SCN8A: variants seen among roughly 807,000 people sequenced by gnomAD.
The protein encoded by SCN8A is sodium voltage-gated channel alpha subunit 8.
A neutral mutation model predicts 184.1 loss-of-function variants in SCN8A; 30 were observed. The ratio of observed to expected loss-of-function variants is 0.16; its 90% CI spans 0.12 to 0.22. SCN8A has a LOEUF of 0.22. Among genes scored for constraint, SCN8A ranks in the 10% least tolerant of loss-of-function variants. SCN8A has a pLI of 1.00. For synonymous variants in SCN8A, 852 were observed against 907.0 expected (o/e 0.94, Z 1.09); for missense variants, 1,057 against 2,498.9 (o/e 0.42, Z 12.30).
chr12:51,753,097 A>G (rs1942620779), intron 14 of SCN8A, among the ~76,000 whole-genome samples: 1 of 152,180 alleles, frequency 6.6e-6, no homozygotes. Context: ...GATGACATCT[A>G]AATTAGAATT....
At chr12:51,699,824 A>G (rs1419783501) in intron 7 of SCN8A, 33 bp downstream of exon 7, 3 of 1,546,286 alleles carry the variant, frequency 1.9e-6, no homozygotes, top group East Asian at 2.3e-5. Context: ...GAGGAATAGG[A>G]AAAGTCTATT....
chr12:51,608,215 G>A (rs575393418), intron 1 of SCN8A, among the ~76,000 whole-genome samples: 2 of 151,784 alleles, frequency 1.3e-5, no homozygotes, highest in African/African-American at 4.8e-5. Context: ...GTAGAGACGG[G>A]GTTTCACCAT....
rs551294901 is a variant in SCN8A at position 51,725,221 on chromosome 12, T to G, written c.1998+3313T>G. Reference sequence around the variant, plus strand: ...CCATAAAGAAACTGTTATGGCTAGTTGTTAACGGTGTGGGAAAATGTCTAA... The same window carrying G: ...CCATAAAGAAACTGTTATGGCTAGTGGTTAACGGTGTGGGAAAATGTCTAA... On this transcript the variant is annotated intron_variant, in intron 12 of 26. Coordinates refer to ENST00000627620, the MANE Select transcript of SCN8A (RefSeq NM_001330260.2). 5.9e-4 allele frequency among the ~76,000 whole-genome samples: 90 copies of G among 152,332 alleles called. 2 individuals carry two copies. Among genetic ancestry groups the G allele is most frequent in the Non-Finnish European group, 8.5e-4 (58 of 68,026 alleles).
At chr12:51,789,154 G>A (rs1938172532) in intron 23 of SCN8A, 127 bp from the exon 24 acceptor site, 1 of 976,762 alleles carries the variant, frequency 1.0e-6, no homozygotes, top group Non-Finnish European at 1.5e-6. Flanking sequence ...CAGGCAGAAA[G>A]AATCTAGGGC....
chr12:51,644,730 T>C (rs2138638344), intron 1 of SCN8A, among the ~76,000 whole-genome samples: 1 of 145,166 alleles, frequency 6.9e-6, no homozygotes, highest in South Asian at 2.3e-4. Flanking sequence ...TCTGCCTGGC[T>C]GCCCAGTCTG....
intron 6 of SCN8A, among the ~76,000 whole-genome samples, chr12:51,697,033 C>A (rs1294820302): frequency 2.5e-5 from 2 of 80,664 alleles, no homozygotes; most frequent in African/African-American, 5.1e-5. Context: ...AGCGAGAATC[C>A]GACTCAAAAA....
chr12:51,602,634 C>G (rs769806839), intron 1 of SCN8A, among the ~76,000 whole-genome samples: 3 of 152,060 alleles, frequency 2.0e-5, no homozygotes, highest in African/African-American at 7.2e-5. Context: ...ATCAATCAAT[C>G]AATCAATCAA....
At chr12:51,605,088 C>T (rs1939558780) in intron 1 of SCN8A, among the ~76,000 whole-genome samples, 1 of 150,964 alleles carries the variant, frequency 6.6e-6, no homozygotes, top group Admixed American at 6.6e-5. Flanking sequence ...TTTTCATGTT[C>T]CTAATTTAGC....
intron 21 of SCN8A, 65 bp from the exon 22 acceptor site, chr12:51,786,477 G>T: frequency 6.4e-7 from 1 of 1,561,052 alleles, no homozygotes; most frequent in Non-Finnish European, 8.8e-7. Flanking sequence ...TCCCCTCCTG[G>T]AAATCAAAAA....
chr12:51,788,457 G>A (rs945428155), intron 22 of SCN8A: 4 of 321,640 alleles, frequency 1.2e-5, no homozygotes, highest in Non-Finnish European at 1.7e-5. Context: ...CTTTCGTAAA[G>A]CCTTAATCCC....
chr12:51,648,975 G>T (rs1479460475), intron 1 of SCN8A, among the ~76,000 whole-genome samples: 1 of 152,142 alleles, frequency 6.6e-6, no homozygotes, highest in African/African-American at 2.4e-5. Flanking sequence ...AAAATCAAAA[G>T]CAAGCTAGTT....
At chr12:51,740,264 C>T (rs1942399446) in intron 12 of SCN8A, among the ~76,000 whole-genome samples, 1 of 152,244 alleles carries the variant, frequency 6.6e-6, no homozygotes, top group South Asian at 2.1e-4. Flanking sequence ...GGGGGGCTTG[C>T]TCCCAACAAG....
intron 2 of SCN8A, among the ~76,000 whole-genome samples, chr12:51,666,301 C>T (rs1233556887): frequency 6.6e-6 from 1 of 152,192 alleles, no homozygotes; most frequent in African/African-American, 2.4e-5. Flanking sequence ...ACAGGAATTT[C>T]ATCTTCCACT....
chr12:51,660,514 C>T (rs1940905969), intron 1 of SCN8A, among the ~76,000 whole-genome samples: 1 of 152,188 alleles, frequency 6.6e-6, no homozygotes, highest in South Asian at 2.1e-4. Flanking sequence ...TAATCTTATT[C>T]ACTGTGAAAG....
At chr12:51,681,776 G>C (rs1414945975) in intron 2 of SCN8A, among the ~76,000 whole-genome samples, 2 of 152,188 alleles carry the variant, frequency 1.3e-5, no homozygotes, top group African/African-American at 4.8e-5. Context: ...AGAATGACGT[G>C]ACTCTGGTAG....
chr12:51,652,234 T>C (rs374186293), intron 1 of SCN8A, among the ~76,000 whole-genome samples: 35 of 152,254 alleles, frequency 2.3e-4, no homozygotes, highest in African/African-American at 8.2e-4. Flanking sequence ...GTGTCTTCCT[T>C]GATTTTTCTT....
rs188768708 is a variant in SCN8A, at chr12:51,595,739, A to T, written c.-55+4380A>T. On this transcript the variant is annotated intron_variant, in intron 1 of 26. Coordinates refer to ENST00000627620, the MANE Select transcript of SCN8A (RefSeq NM_001330260.2). ...TATATTAGCCCCCTTGCCTCTAGGG[A>T]TTTAGCAGCTTAATGTGTATTTATG... is the stretch of plus-strand genomic sequence containing the variant. Among the ~76,000 whole-genome samples, 5 of 152,262 alleles carry T rather than the reference A, an allele frequency of 3.3e-5. No homozygotes were observed. In the East Asian group the frequency reaches 9.6e-4, roughly 29 times the overall value.
intron 21 of SCN8A, among the ~76,000 whole-genome samples, chr12:51,784,201 C>T (rs1013968726): frequency 2.0e-5 from 3 of 152,204 alleles, no homozygotes; most frequent in Non-Finnish European, 4.4e-5. Flanking sequence ...ATAGTTTCTG[C>T]TTAACATATT....
At position 51,662,238 on chromosome 12, in the gene SCN8A, G is replaced by A. The variant is rs569329145; in HGVS notation, c.-54-526G>A. The stretch of plus-strand genomic sequence containing the variant: ...TGAAATGGAAGAACTAAAGCAGATG[G>A]AAGCGATTTTATCTATATTTTGTGT... On this transcript the variant is annotated intron_variant, in intron 1 of 26. Transcript: ENST00000627620. Among the ~76,000 whole-genome samples, 5 of 152,356 alleles carry A rather than the reference G, an allele frequency of 3.3e-5. No homozygotes were observed. The South Asian group carries it at 1.0e-3, about 32-fold the overall frequency.
Sources: gnomAD v4.1 joint callset for allele counts (sites outside exome capture counted in the v4.1 genomes callset) on GRCh38, gnomAD v4.1.1 for gene constraint, MANE v1.5 for transcripts, NCBI Gene and HGNC (gene_info 2026-07-23, HGNC 2026-07-21) for gene names.